Variants in PLEKHG7 observed in about 807,000 individuals in gnomAD.
The protein encoded by PLEKHG7 is pleckstrin homology and RhoGEF domain containing G7, also known as pleckstrin homology domain-containing family G member 7.
A neutral mutation model predicts 85.2 loss-of-function variants in PLEKHG7; 77 were observed. The ratio of observed to expected loss-of-function variants is 0.90; its 90% CI spans 0.75 to 1.09. PLEKHG7 has a LOEUF of 1.09. Among genes scored for constraint, PLEKHG7 ranks in the 50% least tolerant of loss-of-function variants. The pLI, the probability that PLEKHG7 is intolerant of heterozygous loss-of-function variation, is 0.00. For missense variants in PLEKHG7, 777 were observed against 804.3 expected, an observed-to-expected ratio of 0.97 and a Z score of 0.41; for synonymous variants, 301 against 302.4, an observed-to-expected ratio of 1.00 and a Z score of 0.05.
chr12:92,767,462 A>G (rs1173148671), intron 15 of PLEKHG7, among the ~76,000 whole-genome samples: 2 of 151,964 alleles, frequency 1.3e-5, no homozygotes, highest in African/African-American at 4.8e-5. Flanking sequence ...CAGGGAATTT[A>G]TAAGGCAAAG....
At chr12:92,720,357 A>C in intron 3 of PLEKHG7, among the ~76,000 whole-genome samples, 1 of 147,042 alleles carries the variant, frequency 6.8e-6, no homozygotes, top group African/African-American at 2.5e-5. Context: ...ATGGAGTCTC[A>C]CCCTGTCACC....
chr12:92,729,148 C>T, intron 4 of PLEKHG7, 28 bp downstream of exon 4: 10 of 1,231,420 alleles, frequency 8.1e-6, no homozygotes, highest in Non-Finnish European at 1.0e-5. Context: ...TACTTTCATT[C>T]CATGCCCACT....
intron 4 of PLEKHG7, 94 bp from the exon 5 acceptor site, chr12:92,732,139 A>G: frequency 3.0e-6 from 2 of 670,270 alleles, no homozygotes; most frequent in Admixed American, 8.7e-5. Flanking sequence ...TGTTTGGCTA[A>G]TTTTCAAAAA....
chr12:92,732,215 G>C lies in PLEKHG7; in HGVS notation c.659-18G>C. 1 of 1,224,606 alleles carries C rather than the reference G, an allele frequency of 8.2e-7. No individual in the cohort carries two copies. Among genetic ancestry groups the C allele is most frequent in the Non-Finnish European group, 1.0e-6 (1 of 981,214 alleles). The allele number at this position is 1,224,606 out of a possible 1,614,324, so 75.9% of individuals were successfully genotyped here. A position where few individuals can be genotyped will look rare whatever the true frequency, so the allele number is the denominator to read the frequency against. On this transcript the variant is annotated intron_variant, in intron 4 of 16. Transcript: ENST00000344636. ...CTCTAAGTACTCGTAATAATATATT[G>C]TCTTTAATTTCACCCAGAATCCAAA...
intron 5 of PLEKHG7, among the ~76,000 whole-genome samples, chr12:92,733,436 G>A (rs1345737186): frequency 1.3e-5 from 2 of 152,100 alleles, no homozygotes; most frequent in Non-Finnish European, 2.9e-5. Context: ...AAAATAAAAC[G>A]TTTATATGGA....
intron 7 of PLEKHG7, 143 bp downstream of exon 7, chr12:92,737,664 G>A: frequency 5.0e-6 from 3 of 594,116 alleles, no homozygotes; most frequent in Non-Finnish European, 5.1e-6. Context: ...AAGAAAGGAA[G>A]GAAGGAAAGG....
Position 92,717,521 on chromosome 12 carries a change from T to C in PLEKHG7, c.530+9849T>C, listed in dbSNP as rs117563713. On this transcript the variant is annotated intron_variant, in intron 3 of 16. Coordinates refer to ENST00000344636, the MANE Select transcript of PLEKHG7 (RefSeq NM_001377329.1). ...TTAATCCACAAAGTGGAGACACAAA[T>C]ACAGTCAGGCACTGTATTAATGATG... Among the ~76,000 whole-genome samples the C allele has an allele frequency of 9.7e-4, 148 of 152,286 alleles. 1 individual carries two copies. In the East Asian group the frequency reaches 0.025, roughly 26 times the overall value.
intron 7 of PLEKHG7, 116 bp from the exon 8 acceptor site, chr12:92,740,737 T>C (rs1236974849): frequency 1.5e-6 from 1 of 675,180 alleles, no homozygotes; most frequent in African/African-American, 1.8e-5. Context: ...AGAGTGCTGA[T>C]TTCTCCATTG....
intron 14 of PLEKHG7, among the ~76,000 whole-genome samples, 169 bp from the exon 15 acceptor site, chr12:92,763,872 T>C (rs1166403079): frequency 6.6e-6 from 1 of 152,114 alleles, no homozygotes; most frequent in Non-Finnish European, 1.5e-5. Flanking sequence ...TATAAATCAC[T>C]ATGCTTTGGG....
Position 92,771,953 on chromosome 12 carries a change from A to G in PLEKHG7, c.*1758A>G, listed in dbSNP as rs1873446496. ...GGAATTCTATAAAGCTCACAAAGTAACATGTCTAATATACAATATATTAGA... is the reference window on the plus strand; with the variant it reads ...GGAATTCTATAAAGCTCACAAAGTAGCATGTCTAATATACAATATATTAGA... On this transcript the variant is annotated 3_prime_UTR_variant, in exon 17 of 17. Transcript: ENST00000344636. 6.6e-6 allele frequency: 1 copy of G among 152,036 alleles called. No individual in the cohort carries two copies. Among genetic ancestry groups the G allele is most frequent in the Non-Finnish European group, 1.5e-5 (1 of 67,906 alleles). The allele number at this position is 152,036 out of a possible 1,614,324, so 9.4% of individuals were successfully genotyped here. A position where few individuals can be genotyped will look rare whatever the true frequency, so the allele number is the denominator to read the frequency against.
chr12:92,741,411 T>G, intron 8 of PLEKHG7, 80 bp from the exon 9 acceptor site: 1 of 845,774 alleles, frequency 1.2e-6, no homozygotes. Context: ...CCTGTAAGAA[T>G]GATACTTGAA....
At chr12:92,713,779 G>A (rs1263089796) in intron 3 of PLEKHG7, among the ~76,000 whole-genome samples, 21 of 152,158 alleles carry the variant, frequency 1.4e-4, no homozygotes, top group Admixed American at 1.4e-3. Context: ...AACTGAGGGA[G>A]ATGAGGCATT....
Position 92,771,280 on chromosome 12 carries a change from A to G in PLEKHG7, c.*1085A>G, listed in dbSNP as rs968851263. 2 of 152,094 alleles carry G rather than the reference A, an allele frequency of 1.3e-5. No homozygotes were observed. The highest frequency in any genetic ancestry group is 4.8e-5 in the African/African-American group (2 of 41,446). 9.4% of individuals were successfully genotyped at this position (152,094 alleles called of 1,614,324 possible). ...TTGGCTGCAAGACAACTGAAGCCTT[A>G]GCTGATTTTGTTAAGCTGAAGAATG... On this transcript the variant is annotated 3_prime_UTR_variant, in exon 17 of 17. Coordinates refer to ENST00000344636, the MANE Select transcript of PLEKHG7 (RefSeq NM_001377329.1).
At chr12:92,722,856 A>T (rs1323363211) in intron 3 of PLEKHG7, among the ~76,000 whole-genome samples, 1 of 152,228 alleles carries the variant, frequency 6.6e-6, no homozygotes, top group Non-Finnish European at 1.5e-5. Context: ...TACTTGTTCT[A>T]TGTCAGATTC....
intron 3 of PLEKHG7, among the ~76,000 whole-genome samples, chr12:92,720,655 CGTTGGATTT>C: frequency 6.6e-6 from 1 of 152,206 alleles, no homozygotes; most frequent in South Asian, 2.1e-4. Context: ...GGACATTTGT[CGTTGGATTT>C]AGGGCCCACT....
chr12:92,756,030 G>A, intron 12 of PLEKHG7, 90 bp downstream of exon 12: 2 of 877,610 alleles, frequency 2.3e-6, no homozygotes, highest in South Asian at 3.2e-5. Flanking sequence ...GTCCCCATCT[G>A]TCCACTTGAA....
rs534523793 is a variant in PLEKHG7 at position 92,768,984 on chromosome 12, C to T, written c.1872C>T (p.Val624=). 1.3e-5 allele frequency: 20 copies of T among 1,572,762 alleles called. No individual in the cohort carries two copies. The African/African-American group carries it at 2.7e-4, about 21-fold the overall frequency. Residue 624 remains valine (V), a splice_region_variant and synonymous_variant, in exon 16 of 17, where the codon GTC becomes GTT. Transcript: ENST00000344636. ...TGTCTTTGTAATATCTTTTTCTAGT[C>T]TTTGGGCTGAGAAATGCTTTTCTTA... The part of the protein sequence containing the change: ...VKSIEPLHVS[V]FGLRNAFLIQ...
intron 16 of PLEKHG7, among the ~76,000 whole-genome samples, 187 bp from the exon 17 acceptor site, chr12:92,769,901 G>C (rs1020787104): frequency 6.6e-6 from 1 of 152,106 alleles, no homozygotes; most frequent in African/African-American, 2.4e-5. Context: ...GCATTTTCCT[G>C]TAAGATTAGA....
chr12:92,710,506 C>G (rs754514704), intron 3 of PLEKHG7, among the ~76,000 whole-genome samples: 2 of 152,018 alleles, frequency 1.3e-5, no homozygotes, highest in African/African-American at 2.4e-5. Flanking sequence ...GGTAGTTTTG[C>G]CAGAAGCACT....
Sources: gnomAD v4.1 joint callset for allele counts (sites outside exome capture counted in the v4.1 genomes callset) on GRCh38, gnomAD v4.1.1 for gene constraint, MANE v1.5 for transcripts, NCBI Gene and HGNC (gene_info 2026-07-23, HGNC 2026-07-21) for gene names.